Variants in PCDHA3 observed in about 807,000 individuals in gnomAD.
PCDHA3 encodes the protein protocadherin alpha-3.
In PCDHA3, 41 loss-of-function variants were observed where a neutral mutation model predicts 62.2. That is an observed-to-expected ratio of 0.66 (90% confidence interval 0.51 to 0.86). The LOEUF (loss-of-function observed/expected upper bound fraction) is 0.86. Ranked by LOEUF, PCDHA3 falls within the 40% of genes least tolerant of loss-of-function variation. The probability of loss-of-function intolerance (pLI) is 0.00; values close to 1 mark genes in which losing one functional copy is unlikely to be tolerated. For synonymous variants in PCDHA3, 640 were observed against 555.4 expected, an observed-to-expected ratio of 1.15 and a Z score of -2.14; for missense variants, 1,304 against 1,241.2, an observed-to-expected ratio of 1.05 and a Z score of -0.76.
intron 1 of PCDHA3, chr5:140,806,985 C>G: frequency 1.5e-6 from 1 of 647,568 alleles, no homozygotes; most frequent in Non-Finnish European, 2.6e-6. Context: ...GGTTTGGAGC[C>G]ACATGATGTC....
chr5:140,991,503 T>C (rs975448423), intron 3 of PCDHA3, among the ~76,000 whole-genome samples: 6 of 152,246 alleles, frequency 3.9e-5, no homozygotes, highest in Non-Finnish European at 7.3e-5. Context: ...TGAGTTTCAC[T>C]GGCTAAAATC....
chr5:140,841,706 A>G, intron 1 of PCDHA3: 2 of 1,613,892 alleles, frequency 1.2e-6, no homozygotes, highest in Non-Finnish European at 1.7e-6. Context: ...TGTTAATGAC[A>G]ACCCGCCAGT....
At chr5:140,946,241 T>A (rs797039382) in intron 1 of PCDHA3, among the ~76,000 whole-genome samples, 5 of 152,044 alleles carry the variant, frequency 3.3e-5, no homozygotes, top group African/African-American at 1.2e-4. Context: ...ATGCTCAACA[T>A]CATGAATCAT....
chr5:140,921,228 T>G (rs1401455945), intron 1 of PCDHA3, among the ~76,000 whole-genome samples: 11 of 152,154 alleles, frequency 7.2e-5, no homozygotes, highest in African/African-American at 2.7e-4. Context: ...TTTTGCTAGA[T>G]GATATTAAGC....
chr5:140,922,652 T>C (rs371970165), intron 1 of PCDHA3, among the ~76,000 whole-genome samples: 4 of 152,156 alleles, frequency 2.6e-5, no homozygotes, highest in African/African-American at 9.7e-5. Context: ...ACAGTAAATA[T>C]GGCTATACTG....
At chr5:140,862,563 C>G in intron 1 of PCDHA3, 1 of 476,978 alleles carries the variant, frequency 2.1e-6, no homozygotes, top group East Asian at 5.5e-5. Context: ...CAGTGAACCA[C>G]AATGCCCTGG....
chr5:140,883,552 G>A, intron 1 of PCDHA3: 2 of 1,614,234 alleles, frequency 1.2e-6, no homozygotes, highest in South Asian at 1.1e-5. Flanking sequence ...TGACCGCGCG[G>A]GACGGGGGCT....
rs1214485732 is a variant in PCDHA3, at chr5:141,010,285, C to T, written c.*348C>T. On this transcript the variant is annotated 3_prime_UTR_variant, in exon 4 of 4. Coordinates refer to ENST00000522353, the MANE Select transcript of PCDHA3 (RefSeq NM_018906.3). The stretch of plus-strand genomic sequence containing the variant: ...CTCCGGGGATCCTGTCTTGATGACA[C>T]TTGCAGGGCAGGCTGAAAAGTTTTG... The T allele has an allele frequency of 1.3e-6, 2 of 1,550,458 alleles. No homozygotes were observed. The highest frequency in any genetic ancestry group is 1.7e-6 in the Non-Finnish European group (2 of 1,146,698).
intron 1 of PCDHA3, chr5:140,857,594 G>T (rs1554150300): frequency 6.3e-7 from 1 of 1,596,514 alleles, no homozygotes; most frequent in Admixed American, 1.7e-5. Context: ...GAGCGGCAAG[G>T]TGTACGCGCT....
Position 140,822,919 on chromosome 5 carries a change from G to T in PCDHA3, c.2394+19328G>T. Reference sequence around the variant, plus strand: ...GTCTGACCGTGACTCAGGTGCCAACGGGCAGGTGACCTGCTCCCTAATGCC... The same window carrying T: ...GTCTGACCGTGACTCAGGTGCCAACTGGCAGGTGACCTGCTCCCTAATGCC... On this transcript the variant is annotated intron_variant, in intron 1 of 3. Coordinates refer to ENST00000522353, the MANE Select transcript of PCDHA3 (RefSeq NM_018906.3). 1 of 1,614,230 alleles carries T rather than the reference G, an allele frequency of 6.2e-7. No individual in the cohort carries two copies. Among genetic ancestry groups the T allele is most frequent in the Non-Finnish European group, 8.5e-7 (1 of 1,180,044 alleles).
chr5:140,863,237 C>A (rs782024401), intron 1 of PCDHA3: 6 of 1,306,974 alleles, frequency 4.6e-6, no homozygotes, highest in Non-Finnish European at 5.3e-6. Context: ...CCATCGCGGG[C>A]TTTGGCGGGC....
At chr5:140,862,755 C>A in intron 1 of PCDHA3, 1 of 577,344 alleles carries the variant, frequency 1.7e-6, no homozygotes, top group South Asian at 1.4e-5. Context: ...ACGCGGAGAG[C>A]GGCAAGAGGT....
chr5:140,941,214 C>CCTTCCTTTCTTTCTTT (rs1554214040), intron 1 of PCDHA3, among the ~76,000 whole-genome samples: 12 of 122,414 alleles, frequency 9.8e-5, no homozygotes, highest in Admixed American at 6.8e-4. Flanking sequence ...TTTCTTTCTT[C>CCTTCCTTTCTTTCTTT]CTTTCTTTCT....
chr5:140,814,170 GT>G (rs2126652408), intron 1 of PCDHA3: 1,547 of 151,808 alleles, frequency 0.01, 13 homozygotes, highest in Admixed American at 0.013. Context: ...TATTTTACAA[GT>G]TTTTTTGACT....
At chr5:140,976,060 T>G (rs1554237234) in intron 1 of PCDHA3, among the ~76,000 whole-genome samples, 3 of 152,228 alleles carry the variant, frequency 2.0e-5, no homozygotes. Flanking sequence ...GATAGTAATA[T>G]ATGTCTTACT....
At chr5:140,990,155 G>GT (rs1274867030) in intron 3 of PCDHA3, among the ~76,000 whole-genome samples, 4 of 152,076 alleles carry the variant, frequency 2.6e-5, no homozygotes, top group African/African-American at 9.7e-5. Context: ...ATAATAGAAA[G>GT]TTAGGGTATG....
At chr5:140,875,094 T>C (rs1554167483) in intron 1 of PCDHA3, among the ~76,000 whole-genome samples, 1 of 152,258 alleles carries the variant, frequency 6.6e-6, no homozygotes. Flanking sequence ...AAATTGTTGA[T>C]GTTTTGTTAC....
Position 140,802,714 on chromosome 5 carries a change from G to A in PCDHA3, c.1517G>A (p.Ser506Asn), listed in dbSNP as rs1554122306. 1 of 1,612,568 alleles carries A rather than the reference G, an allele frequency of 6.2e-7. No homozygotes were observed. Among genetic ancestry groups the A allele is most frequent in the Non-Finnish European group, 8.5e-7 (1 of 1,179,790 alleles). ...CGGGTGGGGGAGCGCGCGCTGTCGA[G>A]CTACGTGTCGGTACACGCGGAGAGC... ...ERRVGERALS[S>N]YVSVHAESGK... The change falls in exon 1 of 4, where the codon AGC becomes AAC. Residue 506 changes from serine to asparagine, a missense_variant. Transcript: ENST00000522353.
At chr5:140,853,891 G>T in intron 1 of PCDHA3, 1 of 976,002 alleles carries the variant, frequency 1.0e-6, no homozygotes. Flanking sequence ...AATTTAAAAA[G>T]ATGTGGTGGC....
Sources: allele counts gnomAD v4.1 joint callset (sites outside exome capture counted in the v4.1 genomes callset), GRCh38; gene constraint gnomAD v4.1.1; transcripts MANE v1.5; gene names NCBI Gene and HGNC (gene_info 2026-07-23, HGNC 2026-07-21).